HERC2: variants seen among roughly 807,000 people sequenced by gnomAD.
The protein encoded by HERC2 is HECT and RLD domain containing E3 ubiquitin protein ligase 2, also known as E3 ubiquitin-protein ligase HERC2.
Under a neutral mutation model 537.7 loss-of-function variants are expected in HERC2, and 102 were observed. The ratio of observed to expected loss-of-function variants is 0.19; its 90% CI spans 0.16 to 0.22. The LOEUF is 0.22. Among genes scored for constraint, HERC2 ranks in the 10% least tolerant of loss-of-function variants. The pLI, the probability that HERC2 is intolerant of heterozygous loss-of-function variation, is 1.00. For missense variants in HERC2, 4,236 were observed against 6,198.2 expected (o/e 0.68, Z 10.63); for synonymous variants, 2,224 against 2,466.2 (o/e 0.90, Z 2.91).
intron 20 of HERC2, among the ~76,000 whole-genome samples, chr15:28,251,463 A>C (rs2140858003): frequency 7.0e-6 from 1 of 142,444 alleles, no homozygotes; most frequent in Admixed American, 6.8e-5. Flanking sequence ...AATTGTCCTT[A>C]GTCACATTAA....
chr15:28,272,329 C>T lies in HERC2; in HGVS notation c.969G>A (p.Glu323=). The T allele has an allele frequency of 6.2e-7, 1 of 1,612,112 alleles. No individual in the cohort carries two copies. Among genetic ancestry groups the T allele is most frequent in the Non-Finnish European group, 8.5e-7 (1 of 1,179,094 alleles). ...CCTGGGCGGAACGCTCATTGTCAGT[C>T]TCCTGTGCCCCGCTGTCCCACAGCT... ...LLQLWDSGAQ[E]TDNERSAQGT... The change falls in exon 9 of 93, where the codon GAG becomes GAA. Residue 323 remains glutamate (E), a synonymous_variant. Transcript: ENST00000261609.
At chr15:28,292,833 T>G (rs1262089804) in intron 4 of HERC2, 55 bp downstream of exon 4, 2 of 1,554,764 alleles carry the variant, frequency 1.3e-6, no homozygotes, top group African/African-American at 1.4e-5. Context: ...TCCAAGTTAT[T>G]TAGAAAGGGA....
At chr15:28,241,185 C>CA (rs1903077076) in intron 23 of HERC2, among the ~76,000 whole-genome samples, 1 of 151,990 alleles carries the variant, frequency 6.6e-6, no homozygotes, top group South Asian at 2.1e-4. Flanking sequence ...CCCAACAAGA[C>CA]AAAAAACCCA....
chr15:28,122,823 C>T lies in HERC2; in HGVS notation c.13188+1214G>A, dbSNP rs1273937706. 2.0e-5 allele frequency among the ~76,000 whole-genome samples: 3 copies of T among 152,070 alleles called. No individual in the cohort carries two copies. Among genetic ancestry groups the T allele is most frequent in the African/African-American group, 7.2e-5 (3 of 41,418 alleles). On this transcript the variant is annotated intron_variant, in intron 85 of 92. Coordinates refer to ENST00000261609, the MANE Select transcript of HERC2 (RefSeq NM_004667.6). This position sits in a 1 kb window ranked among gnomAD's most constrained non-coding sequence, Gnocchi z 4.1. Reference sequence around the variant, plus strand: ...AGCAGGTGCCAGATGCTGCTGCCCACCGCTCCCCTACCACACACCAGCTCC... The same window carrying T: ...AGCAGGTGCCAGATGCTGCTGCCCATCGCTCCCCTACCACACACCAGCTCC...
At position 28,198,454 on chromosome 15, in the gene HERC2, C is replaced by T; in HGVS notation, c.7935G>A (p.Val2645=). The T allele has an allele frequency of 1.2e-6, 2 of 1,613,876 alleles. No individual in the cohort carries two copies. The highest frequency in any genetic ancestry group is 2.2e-5 in the South Asian group (2 of 91,074). The change falls in exon 50 of 93, where the codon GTG becomes GTA. Residue 2645 remains valine (V), a synonymous_variant. Transcript: ENST00000261609. The part of the protein sequence containing the change: ...SSSHIKIGDK[V]RVKASVTTPK... ...GTGTGGTGACAGAGGCTTTGACCCGCACTTTATCACCAATCTTGATGTGAG... is the reference window on the plus strand; with the variant it reads ...GTGTGGTGACAGAGGCTTTGACCCGTACTTTATCACCAATCTTGATGTGAG...
intron 48 of HERC2, among the ~76,000 whole-genome samples, chr15:28,199,288 T>C (rs1422524349): frequency 6.6e-6 from 1 of 152,182 alleles, no homozygotes; most frequent in East Asian, 1.9e-4. Flanking sequence ...GATCAACTTG[T>C]GTCATAAAGG....
intron 90 of HERC2, 120 bp downstream of exon 90, chr15:28,114,492 T>C (rs1888004551): frequency 2.4e-6 from 2 of 836,954 alleles, no homozygotes; most frequent in Non-Finnish European, 3.8e-6. Context: ...CAGCAATAGT[T>C]GGAGCCAAAT....
chr15:28,266,313 C>T (rs1234980644), intron 12 of HERC2, among the ~76,000 whole-genome samples: 8 of 152,080 alleles, frequency 5.3e-5, no homozygotes, highest in South Asian at 2.1e-4. Flanking sequence ...GTCACGAGTT[C>T]GAGACCAGCC....
rs778510906 is a variant in HERC2 at position 28,246,698 on chromosome 15, A to G, written c.3391+44T>C. The G allele has an allele frequency of 9.5e-6, 14 of 1,468,042 alleles. No individual in the cohort carries two copies. The South Asian group carries it at 9.6e-5, about 10-fold the overall frequency. 90.9% of individuals were successfully genotyped at this position (1,468,042 alleles called of 1,614,324 possible). On this transcript the variant is annotated intron_variant, in intron 22 of 92. Coordinates refer to ENST00000261609, the MANE Select transcript of HERC2 (RefSeq NM_004667.6). ...AAAGAAGACACTTTAGCTTTCATCT[A>G]TCTCCTAAAATAAACATGTACACAA...
intron 23 of HERC2, among the ~76,000 whole-genome samples, chr15:28,244,245 G>A (rs1390501034): frequency 6.6e-6 from 1 of 152,182 alleles, no homozygotes; most frequent in Non-Finnish European, 1.5e-5. Flanking sequence ...TGAATAGGTT[G>A]TTGTATATTC....
chr15:28,133,729 C>A (rs1161095477), intron 79 of HERC2, among the ~76,000 whole-genome samples: 2 of 152,200 alleles, frequency 1.3e-5, no homozygotes, highest in Non-Finnish European at 2.9e-5. Flanking sequence ...TGGCTGTGCA[C>A]TCGTATAAAC....
chr15:28,121,436 CA>C lies in HERC2; in HGVS notation c.13189-8del. On this transcript the variant is annotated splice_polypyrimidine_tract_variant and splice_region_variant and intron_variant, in intron 85 of 92. Coordinates refer to ENST00000261609, the MANE Select transcript of HERC2 (RefSeq NM_004667.6). Reference sequence around the variant, plus strand: ...CTTTCCGGAAAGCCGCCTCCTAAAACACATCAAACAGACAAAATTTAGAATC... The same window carrying C: ...CTTTCCGGAAAGCCGCCTCCTAAAACCATCAAACAGACAAAATTTAGAATC... 1 of 1,609,912 alleles carries C rather than the reference CA, an allele frequency of 6.2e-7. No individual in the cohort carries two copies. Among genetic ancestry groups the C allele is most frequent in the Non-Finnish European group, 8.5e-7 (1 of 1,176,122 alleles).
rs1471662976 is a variant in HERC2 at position 28,233,577 on chromosome 15, TA to T, written c.4352-17del. On this transcript the variant is annotated splice_polypyrimidine_tract_variant and intron_variant, in intron 28 of 92. Coordinates refer to ENST00000261609, the MANE Select transcript of HERC2 (RefSeq NM_004667.6). ...GCCACATGACCTGTAAAAAGACATT[TA>T]AAAGAAGGGCAGGGATGAATATGTA... 1 of 1,613,570 alleles carries T rather than the reference TA, an allele frequency of 6.2e-7. No homozygotes were observed. Among genetic ancestry groups the T allele is most frequent in the Non-Finnish European group, 8.5e-7 (1 of 1,179,694 alleles).
chr15:28,301,767 A>G lies in HERC2; in HGVS notation c.73-2251T>C, dbSNP rs1230946932. On this transcript the variant is annotated intron_variant, in intron 2 of 92. Transcript: ENST00000261609. ...TATATATATATATATATATATATATATATATATATATATGGGTTATATATT... is the reference window on the plus strand; with the variant it reads ...TATATATATATATATATATATATATGTATATATATATATGGGTTATATATT... Among the ~76,000 whole-genome samples, 36 of 112,048 alleles carry G rather than the reference A, an allele frequency of 3.2e-4. 1 individual carries two copies. The highest frequency in any genetic ancestry group is 1.1e-3 in the South Asian group (4 of 3,608). The allele number at this position is 112,048 out of a possible 152,430, so 73.5% of individuals were successfully genotyped here.
At chr15:28,170,116 A>G (rs1190079741) in intron 65 of HERC2, among the ~76,000 whole-genome samples, 4 of 152,260 alleles carry the variant, frequency 2.6e-5, no homozygotes, top group African/African-American at 4.8e-5. Flanking sequence ...ACATGTGTCT[A>G]TGTCAACTCA....
intron 37 of HERC2, among the ~76,000 whole-genome samples, chr15:28,219,113 T>C (rs966973532): frequency 6.6e-6 from 1 of 152,222 alleles, no homozygotes; most frequent in African/African-American, 2.4e-5. Context: ...AGCATATAAC[T>C]CAGAAGCAAT....
intron 8 of HERC2, among the ~76,000 whole-genome samples, chr15:28,272,682 A>T (rs946674374): frequency 6.8e-6 from 1 of 147,374 alleles, no homozygotes; most frequent in East Asian, 2.0e-4. Context: ...AAACTGAAAG[A>T]AAAAAAAAAA....
intron 86 of HERC2, among the ~76,000 whole-genome samples, chr15:28,119,493 G>A (rs1184228146): frequency 1.4e-5 from 2 of 146,550 alleles, no homozygotes; most frequent in African/African-American, 2.5e-5. Context: ...TGGCTCTGTC[G>A]CCCAGACTGG....
chr15:28,161,661 C>T (rs1000034959), intron 69 of HERC2, among the ~76,000 whole-genome samples: 2 of 152,218 alleles, frequency 1.3e-5, no homozygotes, highest in Admixed American at 1.3e-4. Context: ...AGCCATATTT[C>T]AGTGTGCAGT....
Sources: gnomAD v4.1 joint callset for allele counts (sites outside exome capture counted in the v4.1 genomes callset) on GRCh38, gnomAD v4.1.1 for gene constraint, Gnocchi (gnomAD v3.1) non-coding constraint, MANE v1.5 for transcripts, NCBI Gene and HGNC (gene_info 2026-07-23, HGNC 2026-07-21) for gene names.